PIEZO2: variants seen among roughly 807,000 people sequenced by gnomAD.
The protein encoded by PIEZO2 is piezo-type mechanosensitive ion channel component 2.
In PIEZO2, 172 loss-of-function variants were observed where a neutral mutation model predicts 337.3. The observed-to-expected ratio is 0.51, with a 90% CI of 0.45 to 0.58. The LOEUF (loss-of-function observed/expected upper bound fraction) is 0.58. Ranked by LOEUF, PIEZO2 falls within the 20% of genes least tolerant of loss-of-function variation. The pLI is 0.00. For missense variants in PIEZO2, 3,028 were observed against 3,391.3 expected (o/e 0.89, Z 2.66); for synonymous variants, 1,251 against 1,228.5 (o/e 1.02, Z -0.38).
chr18:10,721,298 T>C (rs1487885732), intron 36 of PIEZO2, among the ~76,000 whole-genome samples: 3 of 152,218 alleles, frequency 2.0e-5, no homozygotes, highest in Non-Finnish European at 4.4e-5. Flanking sequence ...AAGGCACATA[T>C]GACAACAGCT....
chr18:11,001,101 G>A lies in PIEZO2; in HGVS notation c.161-21441C>T, dbSNP rs1227794894. ...CCACCCCTGGAACCTGGAAGAATATGTGTCTTGGTCATGGAGGGGATTGTG... is the reference window on the plus strand; with the variant it reads ...CCACCCCTGGAACCTGGAAGAATATATGTCTTGGTCATGGAGGGGATTGTG... On this transcript the variant is annotated intron_variant, in intron 2 of 55. Transcript: ENST00000674853. This position sits in a 1 kb window ranked among gnomAD's most constrained non-coding sequence, Gnocchi z 5.3. Among the ~76,000 whole-genome samples, 1 of 152,190 alleles carries A rather than the reference G, an allele frequency of 6.6e-6. No homozygotes were observed. Among genetic ancestry groups the A allele is most frequent in the Non-Finnish European group, 1.5e-5 (1 of 68,038 alleles).
chr18:10,820,060 C>A (rs1156373099), intron 7 of PIEZO2, among the ~76,000 whole-genome samples: 1 of 152,086 alleles, frequency 6.6e-6, no homozygotes, highest in Non-Finnish European at 1.5e-5. Flanking sequence ...CCACTGTTCC[C>A]TTGCACATAA....
In PIEZO2 at chr18:10,704,722, T is replaced by A. The variant is rs146043374; in HGVS notation, c.6000-70A>T. 1.4e-3 allele frequency: 2,065 copies of A among 1,485,288 alleles called. 31 individuals are homozygous for A. The African/African-American group carries it at 0.023, about 17-fold the overall frequency. The allele number at this position is 1,485,288 out of a possible 1,614,324, so 92.0% of individuals were successfully genotyped here. A position where few individuals can be genotyped will look rare whatever the true frequency, so the allele number is the denominator to read the frequency against. ...TTTTTGAGATGGAGTTTTGCTCTTG[T>A]TGCCCAGGCTGGAGTGCAATGGCGT... On this transcript the variant is annotated intron_variant, in intron 41 of 55. Coordinates refer to ENST00000674853, the MANE Select transcript of PIEZO2 (RefSeq NM_001378183.1).
intron 28 of PIEZO2, among the ~76,000 whole-genome samples, chr18:10,751,592 C>G (rs2037646603): frequency 1.2e-5 from 1 of 86,532 alleles, no homozygotes; most frequent in Non-Finnish European, 2.1e-5. Context: ...CTTCTAGACA[C>G]AGTGATACAC....
chr18:11,021,292 T>C lies in PIEZO2; in HGVS notation c.161-41632A>G, dbSNP rs142742214. Among the ~76,000 whole-genome samples the C allele has an allele frequency of 1.7e-4, 26 of 152,346 alleles. No individual in the cohort carries two copies. Among genetic ancestry groups the C allele is most frequent in the South Asian group, 6.2e-4 (3 of 4,830 alleles). ...AAAGAACTCCCAAACCGGTTTTCCATGGACCCAAAGTCAGTGTGGTGTTCT... is the reference window on the plus strand; with the variant it reads ...AAAGAACTCCCAAACCGGTTTTCCACGGACCCAAAGTCAGTGTGGTGTTCT... On this transcript the variant is annotated intron_variant, in intron 2 of 55. Transcript: ENST00000674853. This position sits in a 1 kb window ranked among gnomAD's most constrained non-coding sequence, Gnocchi z 4.7.
In PIEZO2 at chr18:10,704,663, A is replaced by G; in HGVS notation, c.6000-11T>C. The G allele has an allele frequency of 6.5e-7, 1 of 1,534,142 alleles. No individual in the cohort carries two copies. Among genetic ancestry groups the G allele is most frequent in the Non-Finnish European group, 8.7e-7 (1 of 1,144,438 alleles). On this transcript the variant is annotated splice_polypyrimidine_tract_variant and intron_variant, in intron 41 of 55. Transcript: ENST00000674853. ...TCGTCGTGAAACATCCTGTTAAAGC[A>G]AACCACATGATAATATGTCTATTTT...
rs183205738 is a variant in PIEZO2 at position 11,080,549 on chromosome 18, A to G, written c.65-14327T>C. Among the ~76,000 whole-genome samples, 304 of 152,344 alleles carry G rather than the reference A, an allele frequency of 2.0e-3. No homozygotes were observed. The highest frequency in any genetic ancestry group is 7.1e-3 in the African/African-American group (297 of 41,578). On this transcript the variant is annotated intron_variant, in intron 1 of 55. Transcript: ENST00000674853. The surrounding 1 kb of genome is among the most constrained non-coding windows in gnomAD (Gnocchi z 5.4). ...AAAGGGGTTACCTTCCTTGGCCCTC[A>G]AAAACAGAGGCATCAGGCCAGGTGC...
chr18:11,091,213 G>A (rs529800816), intron 1 of PIEZO2, among the ~76,000 whole-genome samples: 4 of 151,732 alleles, frequency 2.6e-5, no homozygotes, highest in Admixed American at 1.3e-4. Context: ...ATGAAACCCC[G>A]TCTCTACTAA....
chr18:10,885,821 T>C (rs543907455), intron 4 of PIEZO2, among the ~76,000 whole-genome samples: 1 of 152,352 alleles, frequency 6.6e-6, no homozygotes, highest in South Asian at 2.1e-4. Flanking sequence ...CTATTTGCTC[T>C]GCTCATAAAT....
chr18:11,140,678 C>G (rs2040617621), intron 1 of PIEZO2, among the ~76,000 whole-genome samples: 2 of 152,136 alleles, frequency 1.3e-5, no homozygotes, highest in Non-Finnish European at 1.5e-5. Context: ...TACCTTCAAC[C>G]ACAGGAGGCA....
chr18:10,995,230 T>C (rs1369146045), intron 2 of PIEZO2, among the ~76,000 whole-genome samples: 3 of 152,180 alleles, frequency 2.0e-5, no homozygotes, highest in African/African-American at 7.2e-5. Context: ...TCGTTAGTGA[T>C]GTTGAGCATT....
chr18:10,852,097 T>A (rs1213635694), intron 7 of PIEZO2, among the ~76,000 whole-genome samples: 1 of 152,184 alleles, frequency 6.6e-6, no homozygotes, highest in African/African-American at 2.4e-5. Context: ...AACTAAAAAT[T>A]AAACGTTTAA....
At position 10,993,086 on chromosome 18, in the gene PIEZO2, CT is replaced by C; in HGVS notation, c.161-13427del. On this transcript the variant is annotated intron_variant, in intron 2 of 55. Coordinates refer to ENST00000674853, the MANE Select transcript of PIEZO2 (RefSeq NM_001378183.1). This position sits in a 1 kb window ranked among gnomAD's most constrained non-coding sequence, Gnocchi z 5.0. ...TGCACATTGATTTTGTATCCTGAGA[CT>C]TTGCTGAAGCTGCTTATCAGCTTAA... Among the ~76,000 whole-genome samples, 1 of 152,254 alleles carries C rather than the reference CT, an allele frequency of 6.6e-6. No individual in the cohort carries two copies. The highest frequency in any genetic ancestry group is 1.9e-4 in the East Asian group (1 of 5,170).
intron 30 of PIEZO2, among the ~76,000 whole-genome samples, chr18:10,747,814 A>G (rs2037486124): frequency 6.6e-6 from 1 of 152,204 alleles, no homozygotes; most frequent in Admixed American, 6.5e-5. Context: ...AGATATTGCT[A>G]ATTTCATGTA....
Position 10,980,798 on chromosome 18 carries a change from G to A in PIEZO2, c.161-1138C>T, listed in dbSNP as rs533672406. Among the ~76,000 whole-genome samples, 3 of 152,234 alleles carry A rather than the reference G, an allele frequency of 2.0e-5. No homozygotes were observed. In the East Asian group the frequency reaches 5.8e-4, roughly 29 times the overall value. ...AAGGTTTTGTCAATGTGTCAATTTG[G>A]CTAGGCTGTAAATCACAGTTATTTA... On this transcript the variant is annotated intron_variant, in intron 2 of 55. Transcript: ENST00000674853. This position sits in a 1 kb window ranked among gnomAD's most constrained non-coding sequence, Gnocchi z 4.8.
chr18:10,769,320 T>C (rs2038498618), intron 21 of PIEZO2, among the ~76,000 whole-genome samples: 1 of 152,242 alleles, frequency 6.6e-6, no homozygotes, highest in South Asian at 2.1e-4. Flanking sequence ...AATGATTCCC[T>C]GCCCATTTCA....
rs577667924 is a variant in PIEZO2 at position 10,923,879 on chromosome 18, C to T, written c.287-12651G>A. Among the ~76,000 whole-genome samples the T allele has an allele frequency of 2.1e-4, 32 of 152,278 alleles. 1 individual carries two copies. The highest frequency in any genetic ancestry group is 7.0e-4 in the African/African-American group (29 of 41,540). ...ATGGGTCAGATATCATATTGGGACA[C>T]GTGCTGTAGTTCTATGAGTCAGTCA... On this transcript the variant is annotated intron_variant, in intron 3 of 55. Transcript: ENST00000674853.
chr18:11,000,202 C>T (rs2035479380), intron 2 of PIEZO2, among the ~76,000 whole-genome samples: 1 of 152,172 alleles, frequency 6.6e-6, no homozygotes, highest in Non-Finnish European at 1.5e-5. Flanking sequence ...ATATACTGGA[C>T]TGAAAGTTTC....
chr18:11,115,560 T>A (rs1004717141), intron 1 of PIEZO2, among the ~76,000 whole-genome samples: 2 of 152,150 alleles, frequency 1.3e-5, no homozygotes, highest in Non-Finnish European at 2.9e-5. Flanking sequence ...TTGAGACAAA[T>A]ATTATGATAT....
Sources: gnomAD v4.1 joint callset for allele counts (sites outside exome capture counted in the v4.1 genomes callset) on GRCh38, gnomAD v4.1.1 for gene constraint, Gnocchi (gnomAD v3.1) non-coding constraint, MANE v1.5 for transcripts, NCBI Gene and HGNC (gene_info 2026-07-23, HGNC 2026-07-21) for gene names.